The following ZBTB7C variants were observed in gnomAD, a reference collection of about 807,000 sequenced individuals.
ZBTB7C encodes the protein zinc finger and BTB domain-containing protein 7C.
ZBTB7C carries 8 observed loss-of-function variants against 25.7 expected under a neutral mutation model. The ratio of observed to expected loss-of-function variants is 0.31; its 90% CI spans 0.18 to 0.56. ZBTB7C has a LOEUF of 0.56. Among genes scored for constraint, ZBTB7C ranks in the 20% least tolerant of loss-of-function variants. The pLI is 0.91. For synonymous variants in ZBTB7C, 394 were observed against 369.0 expected, an observed-to-expected ratio of 1.07 and a Z score of -0.78; for missense variants, 824 against 855.2, an observed-to-expected ratio of 0.96 and a Z score of 0.46.
chr18:48,151,279 C>G (rs2040669307), intron 3 of ZBTB7C, among the ~76,000 whole-genome samples: 1 of 152,180 alleles, frequency 6.6e-6, no homozygotes, highest in Non-Finnish European at 1.5e-5. Context: ...AACCGCTCCT[C>G]TACTCTGGGA....
At chr18:48,275,844 C>T (rs1224086981) in intron 2 of ZBTB7C, among the ~76,000 whole-genome samples, 1 of 152,106 alleles carries the variant, frequency 6.6e-6, no homozygotes, top group Admixed American at 6.6e-5. Context: ...CTTTAAATTC[C>T]AATCATCTGC....
At chr18:48,041,528 C>T in intron 3 of ZBTB7C, 3 of 985,450 alleles carry the variant, frequency 3.0e-6, no homozygotes, top group Non-Finnish European at 3.6e-6. Context: ...GCAAGGACCT[C>T]TCAGTGCTTC....
chr18:48,243,672 C>G (rs1159157667), intron 2 of ZBTB7C, among the ~76,000 whole-genome samples: 1 of 152,074 alleles, frequency 6.6e-6, no homozygotes, highest in Non-Finnish European at 1.5e-5. Context: ...CTAGAAAAAA[C>G]AATCCAAAAT....
intron 1 of ZBTB7C, among the ~76,000 whole-genome samples, chr18:48,360,840 C>T (rs959279532): frequency 5.3e-5 from 8 of 151,994 alleles, no homozygotes; most frequent in African/African-American, 1.5e-4. Context: ...GGTGGTGGGT[C>T]GCTGGCGGAA....
chr18:48,271,639 C>A (rs1253125662), intron 2 of ZBTB7C, among the ~76,000 whole-genome samples: 3 of 149,732 alleles, frequency 2.0e-5, no homozygotes, highest in South Asian at 2.1e-4. Flanking sequence ...CTACAATTTT[C>A]CATTTATGCT....
chr18:48,241,637 T>TA (rs1250911905), intron 2 of ZBTB7C, among the ~76,000 whole-genome samples: 6 of 152,064 alleles, frequency 3.9e-5, no homozygotes, highest in Non-Finnish European at 8.8e-5. Context: ...AGATAGAAAT[T>TA]AAAAAATTAT....
chr18:48,033,450 T>C (rs1372343420), intron 4 of ZBTB7C, among the ~76,000 whole-genome samples: 1 of 152,228 alleles, frequency 6.6e-6, no homozygotes, highest in East Asian at 1.9e-4. Flanking sequence ...GGTAGCCAGC[T>C]TTCTGCCTCT....
At chr18:48,376,077 T>C (rs1223061848) in intron 1 of ZBTB7C, among the ~76,000 whole-genome samples, 5 of 152,248 alleles carry the variant, frequency 3.3e-5, no homozygotes, top group African/African-American at 4.8e-5. Flanking sequence ...GGGAATTTGC[T>C]TTCCTCACCA....
chr18:48,108,112 G>T (rs2144650045), intron 3 of ZBTB7C, among the ~76,000 whole-genome samples: 1 of 152,276 alleles, frequency 6.6e-6, no homozygotes, highest in Middle Eastern at 3.4e-3. Context: ...GGGAGATTCA[G>T]GCAGCTGGAA....
intron 3 of ZBTB7C, among the ~76,000 whole-genome samples, chr18:48,042,641 T>G (rs913158842): frequency 6.6e-6 from 1 of 152,160 alleles, no homozygotes; most frequent in African/African-American, 2.4e-5. Context: ...TCCGCTGCCC[T>G]CACCTTCTCC....
At chr18:48,110,177 A>G (rs1398956615) in intron 3 of ZBTB7C, among the ~76,000 whole-genome samples, 1 of 152,192 alleles carries the variant, frequency 6.6e-6, no homozygotes. Context: ...CTTCTCACAG[A>G]TGGAACAATC....
intron 1 of ZBTB7C, among the ~76,000 whole-genome samples, chr18:48,382,382 C>T (rs977277517): frequency 4.6e-5 from 7 of 152,222 alleles, no homozygotes; most frequent in East Asian, 1.9e-4. Context: ...AAGCCAATAT[C>T]GCTAAACTTC....
Position 48,134,323 on chromosome 18 carries a change from G to A in ZBTB7C, c.-17+51611C>T, listed in dbSNP as rs183897126. Among the ~76,000 whole-genome samples the A allele has an allele frequency of 6.3e-4, 96 of 152,188 alleles. 1 individual carries two copies. The East Asian group carries it at 0.01, about 16-fold the overall frequency. ...TGGAAGGAGAGTTAACAGGCCAAAC[G>A]CCCCAGATTATTTATGGCTGCTCTG... is the stretch of plus-strand genomic sequence containing the variant. On this transcript the variant is annotated intron_variant, in intron 3 of 4. Transcript: ENST00000590800.
chr18:48,234,754 T>C (rs542626854), intron 2 of ZBTB7C, among the ~76,000 whole-genome samples: 1 of 152,338 alleles, frequency 6.6e-6, no homozygotes, highest in African/African-American at 2.4e-5. Context: ...TACCAGTTTT[T>C]GGGAATAGTT....
chr18:48,401,675 G>T (rs2048161864), intron 1 of ZBTB7C, among the ~76,000 whole-genome samples: 1 of 152,098 alleles, frequency 6.6e-6, no homozygotes, highest in African/African-American at 2.4e-5. Context: ...CCCTGAGGAG[G>T]TTACAGTTTG....
chr18:48,145,011 G>T (rs1309271461), intron 3 of ZBTB7C, among the ~76,000 whole-genome samples: 1 of 152,084 alleles, frequency 6.6e-6, no homozygotes, highest in Non-Finnish European at 1.5e-5. Context: ...GGCATTCCTG[G>T]TTCTTTGGGG....
chr18:48,029,968 C>G, intron 4 of ZBTB7C, 57 bp from the exon 5 acceptor site: 1 of 1,600,256 alleles, frequency 6.2e-7, no homozygotes, highest in South Asian at 1.1e-5. Flanking sequence ...CCATTCCTAA[C>G]CTTTTGCTCC....
At chr18:48,064,675 T>G (rs1343925046) in intron 3 of ZBTB7C, among the ~76,000 whole-genome samples, 1 of 152,096 alleles carries the variant, frequency 6.6e-6, no homozygotes, top group East Asian at 1.9e-4. Context: ...CCTGGGAAGT[T>G]GAGGCTGCAG....
At chr18:48,347,474 C>T (rs574162005) in intron 1 of ZBTB7C, among the ~76,000 whole-genome samples, 3 of 152,184 alleles carry the variant, frequency 2.0e-5, no homozygotes, top group African/African-American at 7.2e-5. Flanking sequence ...GGCAGGCTTC[C>T]TCAGACGCAG....
Sources: gnomAD v4.1 joint callset for allele counts (sites outside exome capture counted in the v4.1 genomes callset) on GRCh38, gnomAD v4.1.1 for gene constraint, MANE v1.5 for transcripts, NCBI Gene and HGNC (gene_info 2026-07-23, HGNC 2026-07-21) for gene names.